The following HEMK2 variants were observed in gnomAD, a reference collection of about 807,000 sequenced individuals.
The protein encoded by HEMK2 is methyltransferase HEMK2.
chr21:28,676,232 G>C, the HEMK2 span, among the ~76,000 whole-genome samples: 1 of 152,190 alleles, frequency 6.6e-6, no homozygotes, highest in Non-Finnish European at 1.5e-5. Context: ...GTGTCAACAA[G>C]GTTGATTTCT....
At chr21:28,611,911 C>CA in the HEMK2 span, among the ~76,000 whole-genome samples, 13,770 of 71,078 alleles carry the variant, frequency 0.19, 1,340 homozygotes, top group Non-Finnish European at 0.3. Flanking sequence ...GACACCATCT[C>CA]AAAAAAAAAA....
chr21:28,600,527 T>A, the HEMK2 span, among the ~76,000 whole-genome samples: 2 of 152,218 alleles, frequency 1.3e-5, no homozygotes, highest in African/African-American at 4.8e-5. Flanking sequence ...CCTGGGCCTG[T>A]GATGATAAGG....
the HEMK2 span, among the ~76,000 whole-genome samples, chr21:28,816,526 G>T: frequency 6.6e-6 from 1 of 151,988 alleles, no homozygotes; most frequent in Admixed American, 6.6e-5. Flanking sequence ...AAATGAAAAT[G>T]AAAAATTACC....
chr21:28,606,492 T>C, the HEMK2 span, among the ~76,000 whole-genome samples: 1 of 152,028 alleles, frequency 6.6e-6, no homozygotes, highest in Non-Finnish European at 1.5e-5. Flanking sequence ...AAAATAACTT[T>C]GGGGTAACAA....
chr21:28,633,243 A>G, the HEMK2 span, among the ~76,000 whole-genome samples: 1 of 152,186 alleles, frequency 6.6e-6, no homozygotes. Context: ...TCAGTTGTCA[A>G]AAGGCCTGCC....
At chr21:28,639,447 C>T in the HEMK2 span, among the ~76,000 whole-genome samples, 2 of 152,088 alleles carry the variant, frequency 1.3e-5, no homozygotes, top group African/African-American at 2.4e-5. Flanking sequence ...ATTAATACTT[C>T]AAGAAACAAG....
the HEMK2 span, among the ~76,000 whole-genome samples, chr21:28,648,770 GTTTTC>G: frequency 6.6e-6 from 1 of 151,966 alleles, no homozygotes; most frequent in African/African-American, 2.4e-5. Context: ...AACATACTGT[GTTTTC>G]TTTTATTTAT....
At chr21:28,581,551 A>C in the HEMK2 span, among the ~76,000 whole-genome samples, 1 of 152,200 alleles carries the variant, frequency 6.6e-6, no homozygotes. Flanking sequence ...AAAGCTTTGA[A>C]GGAATATACT....
At chr21:28,739,866 C>T in the HEMK2 span, among the ~76,000 whole-genome samples, 2 of 152,140 alleles carry the variant, frequency 1.3e-5, no homozygotes, top group African/African-American at 4.8e-5. Flanking sequence ...AAAATACACA[C>T]CCAAGGTTTT....
At chr21:28,842,532 G>A in the HEMK2 span, among the ~76,000 whole-genome samples, 9 of 152,152 alleles carry the variant, frequency 5.9e-5, no homozygotes, top group East Asian at 5.8e-4. Flanking sequence ...CTGATGACTC[G>A]TAGAGGGTAG....
At chr21:28,601,135 T>C in the HEMK2 span, among the ~76,000 whole-genome samples, 1 of 152,210 alleles carries the variant, frequency 6.6e-6, no homozygotes, top group Non-Finnish European at 1.5e-5. Context: ...GTGTGCCTGG[T>C]TCTTTTCCTC....
the HEMK2 span, among the ~76,000 whole-genome samples, chr21:28,675,844 A>G: frequency 6.6e-6 from 1 of 152,248 alleles, no homozygotes; most frequent in Non-Finnish European, 1.5e-5. Context: ...AAAGTAATCC[A>G]GAATGTTGCA....
chr21:28,876,537 T>A, the HEMK2 span: 10 of 1,257,338 alleles, frequency 8.0e-6, no homozygotes, highest in East Asian at 2.4e-4. Context: ...CATTTGGTAG[T>A]GTGCATGATC....
chr21:28,867,132 G>A, the HEMK2 span, among the ~76,000 whole-genome samples: 9 of 152,134 alleles, frequency 5.9e-5, no homozygotes, highest in Admixed American at 1.3e-4. Flanking sequence ...TAATTGTACC[G>A]TATGATTTAG....
the HEMK2 span, among the ~76,000 whole-genome samples, chr21:28,707,506 T>C: frequency 6.6e-6 from 1 of 152,106 alleles, no homozygotes; most frequent in Non-Finnish European, 1.5e-5. Flanking sequence ...TCCACCTGCC[T>C]CGGCCTCCCA....
the HEMK2 span, chr21:28,878,447 C>A: frequency 1.7e-6 from 2 of 1,183,678 alleles, no homozygotes; most frequent in Admixed American, 2.0e-5. Context: ...CATTTTACTG[C>A]TGACGAAGGA....
At chr21:28,851,238 C>T in the HEMK2 span, among the ~76,000 whole-genome samples, 6 of 152,142 alleles carry the variant, frequency 3.9e-5, no homozygotes, top group Non-Finnish European at 8.8e-5. Flanking sequence ...CCTACAGGGG[C>T]CTGCCAAAGG....
chr21:28,882,737 TATG>T, the HEMK2 span, among the ~76,000 whole-genome samples: 4 of 152,206 alleles, frequency 2.6e-5, no homozygotes, highest in Non-Finnish European at 5.9e-5. Context: ...TTAAATGTCT[TATG>T]ATATCAAATT....
At chr21:28,877,761 T>C in the HEMK2 span, among the ~76,000 whole-genome samples, 1 of 152,140 alleles carries the variant, frequency 6.6e-6, no homozygotes, top group Non-Finnish European at 1.5e-5. Context: ...TTATGGTCAA[T>C]TTAGTTATAA....
Sources: gnomAD v4.1 joint callset for allele counts (sites outside exome capture counted in the v4.1 genomes callset) on GRCh38, gnomAD v4.1.1 for gene constraint, MANE v1.5 for transcripts, NCBI Gene and HGNC (gene_info 2026-07-23, HGNC 2026-07-21) for gene names.